The following CDH13 variants were observed in gnomAD, a reference collection of about 807,000 sequenced individuals.
CDH13 encodes cadherin-13.
A neutral mutation model predicts 63.8 loss-of-function variants in CDH13; 24 were observed. That is an observed-to-expected ratio of 0.38 (90% CI 0.27 to 0.53). The LOEUF (loss-of-function observed/expected upper bound fraction) is 0.53, where lower values mean the gene tolerates loss of function less well. Among genes scored for constraint, CDH13 ranks in the 20% least tolerant of loss-of-function variants. The pLI, the probability that CDH13 is intolerant of heterozygous loss-of-function variation, is 0.85. For synonymous variants in CDH13, 503 were observed against 355.3 expected (o/e 1.42, Z -4.67); for missense variants, 1,049 against 903.1 (o/e 1.16, Z -2.07).
chr16:83,368,301 A>C (rs972000749), intron 6 of CDH13, among the ~76,000 whole-genome samples: 1 of 152,224 alleles, frequency 6.6e-6, no homozygotes, highest in South Asian at 2.1e-4. Context: ...AAACAGATAC[A>C]TACTGAGGTA....
chr16:82,910,904 T>C (rs2041809272), intron 2 of CDH13, among the ~76,000 whole-genome samples: 1 of 152,164 alleles, frequency 6.6e-6, no homozygotes, highest in Admixed American at 6.5e-5. Context: ...TTTAATCAAC[T>C]CTGACTGTGT....
In CDH13 at chr16:83,707,836, C is replaced by CAAAAAAAAAAAAAAAAAAAA. The variant is rs61067563; in HGVS notation, c.1538+29378_1538+29397dup. The stretch of plus-strand genomic sequence containing the variant: ...CATCTTTGGTGAGAGACCCTAAAGG[C>CAAAAAAAAAAAAAAAAAAAA]AAAAAAAAAAAAAAAAAAAAAAGAG... On this transcript the variant is annotated intron_variant, in intron 10 of 13. Transcript: ENST00000567109. Among the ~76,000 whole-genome samples the CAAAAAAAAAAAAAAAAAAAA allele has an allele frequency of 9.1e-3, 715 of 78,794 alleles. 68 individuals carry two copies. Among genetic ancestry groups the CAAAAAAAAAAAAAAAAAAAA allele is most frequent in the African/African-American group, 0.016 (316 of 19,954 alleles). The allele number at this position is 78,794 out of a possible 152,430, so 51.7% of individuals were successfully genotyped here. A position where few individuals can be genotyped will look rare whatever the true frequency, so the allele number is the denominator to read the frequency against.
intron 2 of CDH13, among the ~76,000 whole-genome samples, chr16:82,950,537 G>T (rs72790161): frequency 0.062 from 9,425 of 152,190 alleles, 451 homozygotes; most frequent in East Asian, 0.16. Context: ...CTATTCGCTT[G>T]GTTCTCATTC....
intron 1 of CDH13, among the ~76,000 whole-genome samples, chr16:82,804,040 C>T (rs1342994350): frequency 6.6e-6 from 1 of 152,030 alleles, no homozygotes; most frequent in Non-Finnish European, 1.5e-5. Context: ...CCAGCCTGAC[C>T]AACATGGTAA....
intron 7 of CDH13, among the ~76,000 whole-genome samples, chr16:83,519,853 G>C (rs1030960270): frequency 6.6e-6 from 1 of 152,090 alleles, no homozygotes; most frequent in African/African-American, 2.4e-5. Flanking sequence ...CTTTGAATGG[G>C]TTTCTTAGAG....
At chr16:83,563,131 G>C (rs4613052) in intron 7 of CDH13, among the ~76,000 whole-genome samples, 107,032 of 152,214 alleles carry the variant, frequency 0.7, 38,201 homozygotes, top group Middle Eastern at 0.81. Context: ...TCCCTGTTGC[G>C]ACATTCCAGG....
intron 1 of CDH13, among the ~76,000 whole-genome samples, chr16:82,675,921 C>G (rs66851679): frequency 0.16 from 24,561 of 152,134 alleles, 2,393 homozygotes; most frequent in East Asian, 0.4. Context: ...ACCAGAGCAG[C>G]TGTAAGCAGC....
intron 3 of CDH13, among the ~76,000 whole-genome samples, chr16:83,036,357 C>T (rs1916856318): frequency 6.6e-6 from 1 of 151,830 alleles, no homozygotes; most frequent in Admixed American, 6.6e-5. Context: ...ACCGTGTTGG[C>T]CAGGCTGGTG....
intron 4 of CDH13, among the ~76,000 whole-genome samples, chr16:83,132,529 C>T (rs555594780): frequency 2.4e-4 from 35 of 143,714 alleles, no homozygotes; most frequent in African/African-American, 8.7e-4. Flanking sequence ...CTCACTGCAA[C>T]GTCCGCCTCC....
At chr16:83,572,497 A>T (rs8047860) in intron 7 of CDH13, among the ~76,000 whole-genome samples, 27,641 of 152,080 alleles carry the variant, frequency 0.18, 2,567 homozygotes, top group Admixed American at 0.24. Flanking sequence ...CTCCTGGACC[A>T]TCTCGTCTCA....
At chr16:83,253,535 G>C (rs1252359460) in intron 5 of CDH13, among the ~76,000 whole-genome samples, 1 of 152,224 alleles carries the variant, frequency 6.6e-6, no homozygotes, top group Non-Finnish European at 1.5e-5. Context: ...CAACGTGAAA[G>C]CTGGCTGAGC....
At chr16:83,691,029 T>C (rs1477273421) in intron 10 of CDH13, among the ~76,000 whole-genome samples, 1 of 151,616 alleles carries the variant, frequency 6.6e-6, no homozygotes, top group Non-Finnish European at 1.5e-5. Flanking sequence ...GCCCTGAATG[T>C]TTTGAAGGTA....
At chr16:83,698,948 G>T (rs1905796277) in intron 10 of CDH13, among the ~76,000 whole-genome samples, 1 of 152,244 alleles carries the variant, frequency 6.6e-6, no homozygotes, top group Non-Finnish European at 1.5e-5. Flanking sequence ...TTTGGCCCAT[G>T]GGCCATAGTT....
chr16:83,191,464 T>TATATATATATATATATATATATATACAC (rs2038698884), intron 4 of CDH13, among the ~76,000 whole-genome samples: 1 of 92,496 alleles, frequency 1.1e-5, no homozygotes, highest in Non-Finnish European at 2.2e-5. Flanking sequence ...AGGAAATATA[T>TATATATATATATATATATATATATACAC]ATATATATAT....
intron 13 of CDH13, among the ~76,000 whole-genome samples, chr16:83,794,657 G>A (rs1022761449): frequency 5.3e-5 from 8 of 150,220 alleles, no homozygotes; most frequent in Non-Finnish European, 8.9e-5. Flanking sequence ...ACAGGAAGTC[G>A]ATACATATAT....
intron 3 of CDH13, among the ~76,000 whole-genome samples, chr16:83,074,404 G>A (rs917247640): frequency 1.3e-5 from 2 of 152,016 alleles, no homozygotes; most frequent in African/African-American, 4.8e-5. Context: ...TCCACTGATG[G>A]GCACAAGGTC....
chr16:83,772,467 T>C (rs1914825179), intron 11 of CDH13, among the ~76,000 whole-genome samples: 1 of 152,154 alleles, frequency 6.6e-6, no homozygotes, highest in Non-Finnish European at 1.5e-5. Flanking sequence ...CAACTGCTGG[T>C]TAAAAAGAAA....
At chr16:83,282,366 C>T (rs2089199582) in intron 5 of CDH13, among the ~76,000 whole-genome samples, 1 of 152,056 alleles carries the variant, frequency 6.6e-6, no homozygotes, top group Non-Finnish European at 1.5e-5. Flanking sequence ...CACAAACATT[C>T]GATTTGTAAA....
At chr16:83,098,125 G>A (rs2034295773) in intron 3 of CDH13, among the ~76,000 whole-genome samples, 1 of 152,166 alleles carries the variant, frequency 6.6e-6, no homozygotes. Flanking sequence ...TAATCTTTGA[G>A]ACCAAACAGA....
Sources: gnomAD v4.1 joint callset for allele counts (sites outside exome capture counted in the v4.1 genomes callset) on GRCh38, gnomAD v4.1.1 for gene constraint, MANE v1.5 for transcripts, NCBI Gene and HGNC (gene_info 2026-07-23, HGNC 2026-07-21) for gene names.